Variants in GALNT13 observed in about 807,000 individuals in gnomAD.
The protein encoded by GALNT13 is polypeptide N-acetylgalactosaminyltransferase 13, also known as UDP-GalNAc:polypeptide N-acetylgalactosaminyltransferase 13.
A neutral mutation model predicts 64.2 loss-of-function variants in GALNT13; 28 were observed. The ratio of observed to expected loss-of-function variants is 0.44; its 90% CI spans 0.32 to 0.60. The LOEUF is 0.60. Among genes scored for constraint, GALNT13 ranks in the 20% least tolerant of loss-of-function variants. GALNT13 has a pLI of 0.05. For synonymous variants in GALNT13, 214 were observed against 224.6 expected, an observed-to-expected ratio of 0.95 and a Z score of 0.42; for missense variants, 577 against 669.8, an observed-to-expected ratio of 0.86 and a Z score of 1.53.
chr2:154,167,230 G>A (rs2105687537), intron 4 of GALNT13, among the ~76,000 whole-genome samples: 1 of 152,292 alleles, frequency 6.6e-6, no homozygotes, highest in East Asian at 1.9e-4. Flanking sequence ...GCAAATATGA[G>A]TAAGGCATAT....
At chr2:153,710,613 C>T in the GALNT13 span, among the ~76,000 whole-genome samples, 1 of 152,042 alleles carries the variant, frequency 6.6e-6, no homozygotes, top group African/African-American at 2.4e-5. Context: ...ATTTTGATTT[C>T]CCTATTAGAA....
At chr2:153,488,057 G>C in the GALNT13 span, among the ~76,000 whole-genome samples, 1 of 152,172 alleles carries the variant, frequency 6.6e-6, no homozygotes, top group Admixed American at 6.5e-5. Flanking sequence ...AATCATACCA[G>C]AGATGCCTGG....
the GALNT13 span, among the ~76,000 whole-genome samples, chr2:153,843,022 A>G: frequency 1.3e-5 from 2 of 151,954 alleles, no homozygotes; most frequent in Admixed American, 1.3e-4. Flanking sequence ...TGTAAACTGG[A>G]AAATATATTA....
chr2:153,944,687 G>A (rs760313630), intron 3 of GALNT13, 48 bp downstream of exon 3: 7 of 1,489,672 alleles, frequency 4.7e-6, no homozygotes, highest in South Asian at 1.3e-5. Context: ...TGAGAAAAGT[G>A]GTGCCTTGAC....
upstream of GALNT13, among the ~76,000 whole-genome samples, chr2:153,869,833 C>T (rs539914044): frequency 6.6e-6 from 1 of 152,164 alleles, no homozygotes; most frequent in South Asian, 2.1e-4. Context: ...TATGTTTGGG[C>T]CATGTAACTT....
At chr2:154,359,538 A>C (rs1559111917) in intron 9 of GALNT13, among the ~76,000 whole-genome samples, 1 of 152,124 alleles carries the variant, frequency 6.6e-6, no homozygotes, top group East Asian at 1.9e-4. Flanking sequence ...AGCTAAAACG[A>C]GGCAAAGGTG....
At chr2:153,366,554 A>G in the GALNT13 span, among the ~76,000 whole-genome samples, 1 of 152,044 alleles carries the variant, frequency 6.6e-6, no homozygotes, top group Non-Finnish European at 1.5e-5. Flanking sequence ...ATACTCTAAT[A>G]CATTTGTAAT....
the GALNT13 span, among the ~76,000 whole-genome samples, chr2:153,763,102 AT>A: frequency 3.2e-4 from 48 of 152,124 alleles, no homozygotes; most frequent in African/African-American, 1.1e-3. Flanking sequence ...TGAAAATTAA[AT>A]TTTACCTATT....
At chr2:153,650,629 T>C in the GALNT13 span, among the ~76,000 whole-genome samples, 1 of 152,148 alleles carries the variant, frequency 6.6e-6, no homozygotes, top group Non-Finnish European at 1.5e-5. Flanking sequence ...TGTTTAGTGC[T>C]TCCTTCAGGA....
rs116738301 is a variant in GALNT13 at position 154,343,631 on chromosome 2, G to T, written c.1156+42042G>T. Among the ~76,000 whole-genome samples, 1,059 of 151,998 alleles carry T rather than the reference G, an allele frequency of 7.0e-3. 12 individuals carry two copies. The highest frequency in any genetic ancestry group is 0.024 in the African/African-American group (1,011 of 41,480). ...ATGCCTTTTGTTGCACAGTTTTTTT[G>T]ACTTGAAACTTACCTATGTTGATCT... On this transcript the variant is annotated intron_variant, in intron 9 of 12. Coordinates refer to ENST00000392825, the MANE Select transcript of GALNT13 (RefSeq NM_052917.4).
At chr2:153,290,619 G>A in the GALNT13 span, among the ~76,000 whole-genome samples, 1 of 152,194 alleles carries the variant, frequency 6.6e-6, no homozygotes, top group Non-Finnish European at 1.5e-5. Context: ...ACAACTTTAA[G>A]TGACAGAACT....
intron 3 of GALNT13, among the ~76,000 whole-genome samples, chr2:154,121,872 C>G (rs1404279386): frequency 6.6e-6 from 1 of 152,030 alleles, no homozygotes; most frequent in African/African-American, 2.4e-5. Context: ...GGTCTGAGAT[C>G]CAGTACAATG....
intron 4 of GALNT13, among the ~76,000 whole-genome samples, chr2:154,212,681 C>G (rs1377167295): frequency 3.3e-5 from 5 of 152,116 alleles, no homozygotes; most frequent in South Asian, 2.1e-4. Flanking sequence ...ACTTTCCTTT[C>G]TCCTTCCTCT....
At chr2:154,203,237 G>A (rs1687267770) in intron 4 of GALNT13, among the ~76,000 whole-genome samples, 1 of 152,128 alleles carries the variant, frequency 6.6e-6, no homozygotes, top group Admixed American at 6.6e-5. Context: ...AATTATGGGA[G>A]AATAAATGTG....
At chr2:153,613,137 C>T in the GALNT13 span, among the ~76,000 whole-genome samples, 1 of 152,068 alleles carries the variant, frequency 6.6e-6, no homozygotes, top group East Asian at 1.9e-4. Flanking sequence ...CTAACTGATA[C>T]AGACAGGGAG....
At chr2:153,128,321 A>G in the GALNT13 span, among the ~76,000 whole-genome samples, 1 of 152,204 alleles carries the variant, frequency 6.6e-6, no homozygotes, top group East Asian at 1.9e-4. Flanking sequence ...GGAGCAAGTC[A>G]TGTCTTACAT....
chr2:154,336,174 T>C (rs1462168717), intron 9 of GALNT13, among the ~76,000 whole-genome samples: 1 of 152,050 alleles, frequency 6.6e-6, no homozygotes, highest in Admixed American at 6.6e-5. Context: ...GCTCCTTGCT[T>C]TGTTTGGGAT....
the GALNT13 span, among the ~76,000 whole-genome samples, chr2:153,345,774 T>TTCC: frequency 1.5e-5 from 1 of 66,994 alleles, no homozygotes; most frequent in Non-Finnish European, 3.6e-5. Context: ...TCCTTCCTTC[T>TTCC]TTCTCTCTTT....
chr2:153,659,515 C>T, the GALNT13 span, among the ~76,000 whole-genome samples: 2 of 152,076 alleles, frequency 1.3e-5, no homozygotes, highest in Admixed American at 6.6e-5. Flanking sequence ...TTTCCTAAAT[C>T]TAGTTGATGG....
Sources: gnomAD v4.1 joint callset for allele counts (sites outside exome capture counted in the v4.1 genomes callset) on GRCh38, gnomAD v4.1.1 for gene constraint, MANE v1.5 for transcripts, NCBI Gene and HGNC (gene_info 2026-07-23, HGNC 2026-07-21) for gene names.